Variants in NSMCE2 observed in about 807,000 individuals in gnomAD.
The protein encoded by NSMCE2 is NSE2 SUMO ligase component of SMC5/6 complex.
Under a neutral mutation model 23.8 loss-of-function variants are expected in NSMCE2, and 24 were observed. The ratio of observed to expected loss-of-function variants is 1.01; its 90% CI spans 0.73 to 1.42. The LOEUF is 1.42. Among genes scored for constraint, NSMCE2 ranks in the 40% most tolerant of loss-of-function variants. The probability of loss-of-function intolerance (pLI) is 0.00; values close to 1 mark genes in which losing one functional copy is unlikely to be tolerated. For missense variants in NSMCE2, 284 were observed against 296.5 expected (o/e 0.96, Z 0.31); for synonymous variants, 92 against 94.1 (o/e 0.98, Z 0.13).
intron 5 of NSMCE2, among the ~76,000 whole-genome samples, chr8:125,225,514 C>G (rs545599385): frequency 1.3e-5 from 2 of 152,278 alleles, no homozygotes; most frequent in South Asian, 4.1e-4. Context: ...CATCAGCTCA[C>G]CCTGTTTGCA....
In NSMCE2 at chr8:125,233,008, G is replaced by T. The variant is rs16900454; in HGVS notation, c.418+50752G>T. On this transcript the variant is annotated intron_variant, in intron 5 of 7. Coordinates refer to ENST00000287437, the MANE Select transcript of NSMCE2 (RefSeq NM_173685.4). ...TTCCAGGGTTGTAACTAGTTCTGGA[G>T]GCTTAGTTACGCAATTGCCGGCTCT... Among the ~76,000 whole-genome samples, 1,006 of 152,296 alleles carry T rather than the reference G, an allele frequency of 6.6e-3. 8 individuals are homozygous for T. The highest frequency in any genetic ancestry group is 0.023 in the African/African-American group (972 of 41,566).
intron 5 of NSMCE2, among the ~76,000 whole-genome samples, chr8:125,241,856 A>G (rs1825777136): frequency 6.6e-6 from 1 of 152,208 alleles, no homozygotes; most frequent in Non-Finnish European, 1.5e-5. Flanking sequence ...TCTGTTAGAT[A>G]TGGTGGGGAA....
chr8:125,361,312 C>A (rs1194010950), intron 7 of NSMCE2, among the ~76,000 whole-genome samples: 1 of 152,094 alleles, frequency 6.6e-6, no homozygotes, highest in Non-Finnish European at 1.5e-5. Context: ...AAGTGATCTG[C>A]CCACCTTGGC....
intron 6 of NSMCE2, 41 bp from the exon 7 acceptor site, chr8:125,357,671 T>A: frequency 7.0e-7 from 1 of 1,435,600 alleles, no homozygotes. Context: ...TGGAAGTTGA[T>A]CATTATCATT....
At chr8:125,322,153 G>T (rs1027382294) in intron 5 of NSMCE2, among the ~76,000 whole-genome samples, 1 of 152,108 alleles carries the variant, frequency 6.6e-6, no homozygotes, top group Non-Finnish European at 1.5e-5. Context: ...AGTCGCTTGA[G>T]CCCAGGAGTT....
intron 5 of NSMCE2, among the ~76,000 whole-genome samples, chr8:125,289,541 T>A (rs182019203): frequency 3.4e-4 from 52 of 152,344 alleles, no homozygotes; most frequent in African/African-American, 1.2e-3. Flanking sequence ...GTTTCCTGTT[T>A]CCTTGTCTGT....
chr8:125,242,757 A>T (rs1355382234), intron 5 of NSMCE2, among the ~76,000 whole-genome samples: 1 of 152,144 alleles, frequency 6.6e-6, no homozygotes, highest in East Asian at 1.9e-4. Flanking sequence ...GGTACTAGAG[A>T]ACAGAGTCCC....
At chr8:125,158,410 G>A (rs1191989490) in intron 4 of NSMCE2, among the ~76,000 whole-genome samples, 5 of 152,120 alleles carry the variant, frequency 3.3e-5, no homozygotes, top group Admixed American at 1.3e-4. Context: ...TGTTTGAGAG[G>A]AAAAGAAGAG....
At chr8:125,258,780 C>T (rs765759734) in intron 5 of NSMCE2, among the ~76,000 whole-genome samples, 4 of 152,112 alleles carry the variant, frequency 2.6e-5, no homozygotes, top group South Asian at 4.1e-4. Context: ...CTTATTTAGT[C>T]GCCAGAGGTT....
chr8:125,215,546 G>A (rs910620100), intron 5 of NSMCE2, among the ~76,000 whole-genome samples: 1 of 151,972 alleles, frequency 6.6e-6, no homozygotes, highest in Non-Finnish European at 1.5e-5. Flanking sequence ...TAGTCCTTTG[G>A]GTATATACCC....
At chr8:125,299,375 G>T (rs957496983) in intron 5 of NSMCE2, among the ~76,000 whole-genome samples, 27 of 152,278 alleles carry the variant, frequency 1.8e-4, no homozygotes, top group African/African-American at 6.0e-4. Context: ...GGCTGGGGAG[G>T]CCTCAGGAAA....
At chr8:125,185,873 A>C (rs1057379975) in intron 5 of NSMCE2, among the ~76,000 whole-genome samples, 2 of 152,224 alleles carry the variant, frequency 1.3e-5, no homozygotes, top group African/African-American at 4.8e-5. Flanking sequence ...AATAGAAGGT[A>C]ACTAGCTCCT....
At chr8:125,208,130 A>G (rs928350361) in intron 5 of NSMCE2, among the ~76,000 whole-genome samples, 1 of 152,078 alleles carries the variant, frequency 6.6e-6, no homozygotes, top group Non-Finnish European at 1.5e-5. Context: ...CATTGACTGT[A>G]TGTGTGTGTG....
intron 5 of NSMCE2, among the ~76,000 whole-genome samples, chr8:125,235,526 A>G (rs1358439062): frequency 6.6e-6 from 1 of 152,106 alleles, no homozygotes; most frequent in African/African-American, 2.4e-5. Flanking sequence ...ATACACCCAC[A>G]CCTGTGTACA....
At chr8:125,148,671 C>T (rs1820816004) in intron 3 of NSMCE2, among the ~76,000 whole-genome samples, 2 of 152,192 alleles carry the variant, frequency 1.3e-5, no homozygotes, top group South Asian at 2.1e-4. Flanking sequence ...ACTTTTTTGA[C>T]CAGTTCCAGT....
chr8:125,189,076 T>C (rs1459268658), intron 5 of NSMCE2, among the ~76,000 whole-genome samples: 3 of 152,246 alleles, frequency 2.0e-5, no homozygotes, highest in African/African-American at 7.2e-5. Flanking sequence ...ACTATTCAAC[T>C]TAGAAATGTT....
At chr8:125,261,422 C>T (rs1439194088) in intron 5 of NSMCE2, among the ~76,000 whole-genome samples, 2 of 152,162 alleles carry the variant, frequency 1.3e-5, no homozygotes, top group Admixed American at 6.5e-5. Context: ...TCTACTTTTT[C>T]CATTTGGCTT....
At chr8:125,364,964 AC>A (rs751955303) in intron 7 of NSMCE2, among the ~76,000 whole-genome samples, 13 of 152,184 alleles carry the variant, frequency 8.5e-5, no homozygotes, top group Non-Finnish European at 1.5e-4. Flanking sequence ...AATTTGGTTC[AC>A]TTTGAGAACC....
intron 4 of NSMCE2, among the ~76,000 whole-genome samples, chr8:125,177,180 C>T (rs1407754938): frequency 6.6e-6 from 1 of 152,194 alleles, no homozygotes; most frequent in Non-Finnish European, 1.5e-5. Context: ...TGATCATTTA[C>T]TATGGGCCAG....
Sources: allele counts gnomAD v4.1 joint callset (sites outside exome capture counted in the v4.1 genomes callset), GRCh38; gene constraint gnomAD v4.1.1; transcripts MANE v1.5; gene names NCBI Gene and HGNC (gene_info 2026-07-23, HGNC 2026-07-21).